Variants in CFAP43 observed in about 807,000 individuals in gnomAD.
CFAP43 encodes the protein cilia and flagella associated protein 43.
A neutral mutation model predicts 218.9 loss-of-function variants in CFAP43; 155 were observed. That is an observed-to-expected ratio of 0.71 (90% CI 0.62 to 0.81). The LOEUF (loss-of-function observed/expected upper bound fraction) is 0.81, where lower values mean the gene tolerates loss of function less well. Ranked by LOEUF, CFAP43 falls within the 30% of genes least tolerant of loss-of-function variation. The pLI is 0.00. For synonymous variants in CFAP43, 645 were observed against 681.3 expected (o/e 0.95, Z 0.83); for missense variants, 1,778 against 1,954.3 (o/e 0.91, Z 1.70).
intron 3 of CFAP43, among the ~76,000 whole-genome samples, chr10:104,216,966 T>C (rs1168896974): frequency 6.6e-6 from 1 of 152,214 alleles, no homozygotes; most frequent in Non-Finnish European, 1.5e-5. Context: ...GTCCCTTCCA[T>C]TGATATTCCT....
At position 104,232,212 on chromosome 10, in the gene CFAP43, T is replaced by TG. The variant is rs747647522; in HGVS notation, c.34dup (p.His12ProfsTer18). On this transcript the variant is annotated frameshift_variant, in exon 1 of 38. Transcript: ENST00000357060. LOFTEE classifies it high-confidence loss of function. ...GGACAAGGACGCGCCGCCGGCGGAG[T>TG]GGGGGCCTTCGTCGCGCTCCCGGCC... 4 of 1,608,982 alleles carry TG rather than the reference T, an allele frequency of 2.5e-6. No individual in the cohort carries two copies. The highest frequency in any genetic ancestry group is 3.4e-6 in the Non-Finnish European group (4 of 1,178,516).
At chr10:104,139,641 T>C (rs370278122) in intron 34 of CFAP43, among the ~76,000 whole-genome samples, 190 of 152,276 alleles carry the variant, frequency 1.2e-3, no homozygotes, top group African/African-American at 4.3e-3. Context: ...GCAAAGTATC[T>C]TTCAACAATG....
rs533445289 is a variant in CFAP43, at chr10:104,212,223, A to G, written c.585-66T>C. ...AACTTCTTATTGATGCAACCACTGCATATCAGTTTAAGTGAGGTGGGGAGG... is the reference window on the plus strand; with the variant it reads ...AACTTCTTATTGATGCAACCACTGCGTATCAGTTTAAGTGAGGTGGGGAGG... On this transcript the variant is annotated intron_variant, in intron 4 of 37. Coordinates refer to ENST00000357060, the MANE Select transcript of CFAP43 (RefSeq NM_025145.7). The G allele has an allele frequency of 6.6e-5, 100 of 1,520,508 alleles. 2 individuals carry two copies. In the South Asian group the frequency reaches 7.9e-4, roughly 12 times the overall value. The allele number at this position is 1,520,508 out of a possible 1,614,324, so 94.2% of individuals were successfully genotyped here.
intron 21 of CFAP43, 95 bp downstream of exon 21, chr10:104,168,649 C>T (rs944032568): frequency 1.1e-5 from 11 of 1,004,892 alleles, no homozygotes; most frequent in East Asian, 2.4e-5. Context: ...CAGTGCTTTG[C>T]TATGCCTGAA....
chr10:104,207,924 C>A (rs1162527426), intron 5 of CFAP43, 100 bp from the exon 6 acceptor site: 4 of 1,195,210 alleles, frequency 3.3e-6, no homozygotes, highest in East Asian at 2.5e-5. Context: ...CCATACTTAA[C>A]CCCATAGACG....
chr10:104,136,042 G>A (rs1263724909), intron 34 of CFAP43, among the ~76,000 whole-genome samples: 4 of 152,026 alleles, frequency 2.6e-5, no homozygotes, highest in African/African-American at 9.7e-5. Context: ...CTGAGGTCAG[G>A]AGTTTGAGAC....
chr10:104,162,285 T>C, intron 25 of CFAP43, 32 bp downstream of exon 25: 1 of 1,569,962 alleles, frequency 6.4e-7, no homozygotes, highest in Middle Eastern at 1.7e-4. Context: ...GCAAAGAGGG[T>C]CTTAGGACCT....
intron 2 of CFAP43, among the ~76,000 whole-genome samples, chr10:104,229,404 G>C (rs1299620889): frequency 2.0e-5 from 3 of 151,690 alleles, no homozygotes; most frequent in African/African-American, 7.3e-5. Flanking sequence ...TGTAATCCCA[G>C]CACTTTGGGA....
intron 31 of CFAP43, among the ~76,000 whole-genome samples, 175 bp downstream of exon 31, chr10:104,145,301 T>C (rs1554859968): frequency 6.6e-6 from 1 of 152,224 alleles, no homozygotes; most frequent in Admixed American, 6.5e-5. Context: ...CCTTAAGATA[T>C]AGACATAATC....
At chr10:104,211,383 T>A (rs1296879095) in intron 5 of CFAP43, among the ~76,000 whole-genome samples, 1 of 152,220 alleles carries the variant, frequency 6.6e-6, no homozygotes, top group African/African-American at 2.4e-5. Flanking sequence ...GTCTGCTCCA[T>A]AGAAGAAACT....
chr10:104,203,820 T>G lies in CFAP43; in HGVS notation c.964-17A>C. On this transcript the variant is annotated splice_polypyrimidine_tract_variant and intron_variant, in intron 7 of 37. Coordinates refer to ENST00000357060, the MANE Select transcript of CFAP43 (RefSeq NM_025145.7). ...AAAGCCATCCTAGAGATGAGTGAGATAAACATAGAAAATCAGTCTTAGTCA... is the reference window on the plus strand; with the variant it reads ...AAAGCCATCCTAGAGATGAGTGAGAGAAACATAGAAAATCAGTCTTAGTCA... 6.3e-7 allele frequency: 1 copy of G among 1,583,448 alleles called. No homozygotes were observed.
chr10:104,160,026 T>C (rs896382407), intron 27 of CFAP43, among the ~76,000 whole-genome samples: 3 of 152,166 alleles, frequency 2.0e-5, no homozygotes, highest in African/African-American at 7.2e-5. Context: ...ACCCAGTCAA[T>C]AGTTTTTCTT....
Position 104,207,792 on chromosome 10 carries a change from C to A in CFAP43, c.768G>T (p.Pro256=). 6.2e-7 allele frequency: 1 copy of A among 1,613,754 alleles called. No homozygotes were observed. Among genetic ancestry groups the A allele is most frequent in the South Asian group, 1.1e-5 (1 of 90,994 alleles). Residue 256 remains proline (P), a synonymous_variant, in exon 6 of 38, where the codon CCG becomes CCT. Transcript: ENST00000357060. ...TTGTTGGAGTCCAGCAATGCATAGTCGGGTGAAGCAAAGGATATAGATCAT... is the reference window on the plus strand; with the variant it reads ...TTGTTGGAGTCCAGCAATGCATAGTAGGGTGAAGCAAAGGATATAGATCAT... ...PKDDLYPLLH[P]TMHCWTPTSD...
intron 4 of CFAP43, 139 bp from the exon 5 acceptor site, chr10:104,212,296 G>T: frequency 1.3e-6 from 1 of 769,450 alleles, no homozygotes; most frequent in Non-Finnish European, 1.9e-6. Flanking sequence ...CCAAATGATA[G>T]ATTTAAAAAT....
chr10:104,218,782 G>A (rs764447227), intron 3 of CFAP43: 1 of 549,708 alleles, frequency 1.8e-6, no homozygotes, highest in South Asian at 1.4e-5. Flanking sequence ...ATACACCGGT[G>A]GTTTAGGGTT....
chr10:104,188,996 G>C lies in CFAP43; in HGVS notation c.1547-586C>G, dbSNP rs111847368. On this transcript the variant is annotated intron_variant, in intron 12 of 37. Coordinates refer to ENST00000357060, the MANE Select transcript of CFAP43 (RefSeq NM_025145.7). The stretch of plus-strand genomic sequence containing the variant: ...CACTTTCTCAGGCCCTTCCCCAGGC[G>C]GTCAGCAGATGACCTTCCCTCTTCC... Among the ~76,000 whole-genome samples the C allele has an allele frequency of 7.8e-4, 119 of 152,162 alleles. No homozygotes were observed. In the Middle Eastern group the frequency reaches 0.031, roughly 39 times the overall value.
intron 16 of CFAP43, 129 bp downstream of exon 16, chr10:104,184,887 G>A: frequency 2.8e-6 from 4 of 1,405,186 alleles, no homozygotes; most frequent in Non-Finnish European, 1.9e-6. Context: ...GGATCTGTGA[G>A]TATAACAAAC....
intron 20 of CFAP43, among the ~76,000 whole-genome samples, chr10:104,169,600 C>T (rs1233907284): frequency 3.3e-5 from 5 of 151,916 alleles, no homozygotes; most frequent in Non-Finnish European, 7.4e-5. Context: ...TTAGGATCCT[C>T]TTCAGGACCT....
intron 1 of CFAP43, 30 bp from the exon 2 acceptor site, chr10:104,230,873 T>C (rs1466016218): frequency 1.3e-6 from 2 of 1,552,428 alleles, no homozygotes; most frequent in African/African-American, 2.8e-5. Flanking sequence ...AACATCAATA[T>C]AATACATTTC....
Sources: gnomAD v4.1 joint callset for allele counts (sites outside exome capture counted in the v4.1 genomes callset) on GRCh38, gnomAD v4.1.1 for gene constraint, MANE v1.5 for transcripts, NCBI Gene and HGNC (gene_info 2026-07-23, HGNC 2026-07-21) for gene names.